Variants in VCAN observed in about 807,000 individuals in gnomAD.
VCAN encodes versican core protein.
A neutral mutation model predicts 245.5 loss-of-function variants in VCAN; 44 were observed. The observed-to-expected ratio is 0.18, with a 90% CI of 0.14 to 0.23. VCAN has a LOEUF of 0.23. Among genes scored for constraint, VCAN ranks in the 10% least tolerant of loss-of-function variants. VCAN has a pLI of 1.00. For missense variants in VCAN, 3,793 were observed against 4,057.9 expected (o/e 0.93, Z 1.77); for synonymous variants, 1,413 against 1,437.0 (o/e 0.98, Z 0.38).
chr5:83,515,987 T>C lies in VCAN; in HGVS notation c.1043-3362T>C, dbSNP rs182605200. ...GTCGCTCACGCCTGTAATCCCAGCA[T>C]TTTGGGAGGCCAAGGTGGGCGGATC... On this transcript the variant is annotated intron_variant, in intron 6 of 14. Coordinates refer to ENST00000265077, the MANE Select transcript of VCAN (RefSeq NM_004385.5). 5.8e-3 allele frequency among the ~76,000 whole-genome samples: 882 copies of C among 152,262 alleles called. 11 individuals are homozygous for C. The highest frequency in any genetic ancestry group is 0.019 in the African/African-American group (778 of 41,558).
chr5:83,556,110 T>C (rs1366900165), intron 12 of VCAN, among the ~76,000 whole-genome samples: 1 of 152,206 alleles, frequency 6.6e-6, no homozygotes, highest in African/African-American at 2.4e-5. Context: ...ATGGACACAC[T>C]ACTCACTTTA....
rs144821797 is a variant in VCAN, at chr5:83,557,691, G to A, written c.9735+2653G>A. Reference sequence around the variant, plus strand: ...TAAACGTGGTAAATTAGTGAGCATCGCACCTTGTCAAAAAAGAAATATTGA... The same window carrying A: ...TAAACGTGGTAAATTAGTGAGCATCACACCTTGTCAAAAAAGAAATATTGA... On this transcript the variant is annotated intron_variant, in intron 12 of 14. Transcript: ENST00000265077. 8.5e-4 allele frequency among the ~76,000 whole-genome samples: 129 copies of A among 152,184 alleles called. 1 individual carries two copies. In the East Asian group the frequency reaches 0.011, roughly 13 times the overall value.
At position 83,580,567 on chromosome 5, in the gene VCAN, C is replaced by T; in HGVS notation, c.*133C>T. 2.2e-6 allele frequency: 3 copies of T among 1,342,542 alleles called. No homozygotes were observed. The highest frequency in any genetic ancestry group is 2.0e-5 in the Admixed American group (1 of 50,352). The allele number at this position is 1,342,542 out of a possible 1,614,324, so 83.2% of individuals were successfully genotyped here. On this transcript the variant is annotated 3_prime_UTR_variant, in exon 15 of 15. Transcript: ENST00000265077. ...ACCACCGTTCAGTCATTTTGGGTTG[C>T]CGTGCTCCCAAAACATTTTAAATGA...
At chr5:83,487,159 G>T (rs561298806) in intron 2 of VCAN, among the ~76,000 whole-genome samples, 1 of 152,140 alleles carries the variant, frequency 6.6e-6, no homozygotes, top group Non-Finnish European at 1.5e-5. Flanking sequence ...ATGCACAGTC[G>T]TGAATAAGTG....
chr5:83,499,558 A>G (rs1453275709), intron 5 of VCAN, among the ~76,000 whole-genome samples: 4 of 152,124 alleles, frequency 2.6e-5, no homozygotes, highest in African/African-American at 7.2e-5. Context: ...TTTAATCACC[A>G]TGATACTATT....
intron 5 of VCAN, among the ~76,000 whole-genome samples, chr5:83,504,959 C>A (rs938618658): frequency 6.6e-6 from 1 of 151,974 alleles, no homozygotes; most frequent in Non-Finnish European, 1.5e-5. Flanking sequence ...AAAGCAGAAA[C>A]CCCTGATAAA....
rs1747019195 is a variant in VCAN at position 83,541,994 on chromosome 5, G to A, written c.8991G>A (p.Gln2997=). ...EAGVVPWLSP[Q]TSERPTLSSS... is the part of the protein sequence containing the mutation. ...GTGTGGTGCCTTGGCTAAGTCCACAGACTTCTGAGAGGCCCACGCTTTCTT... is the reference window on the plus strand; with the variant it reads ...GTGTGGTGCCTTGGCTAAGTCCACAAACTTCTGAGAGGCCCACGCTTTCTT... Residue 2997 remains glutamine (Q), a synonymous_variant, in exon 8 of 15, where the codon CAG becomes CAA. Coordinates refer to ENST00000265077, the MANE Select transcript of VCAN (RefSeq NM_004385.5). The A allele has an allele frequency of 6.2e-7, 1 of 1,612,254 alleles. No individual in the cohort carries two copies. Among genetic ancestry groups the A allele is most frequent in the Non-Finnish European group, 8.5e-7 (1 of 1,178,798 alleles).
chr5:83,572,599 A>C (rs1748327201), intron 13 of VCAN, 39 bp downstream of exon 13: 1 of 1,611,478 alleles, frequency 6.2e-7, no homozygotes, highest in Admixed American at 1.7e-5. Context: ...CTTAATCTTC[A>C]TTTCAATTAT....
In VCAN at chr5:83,484,509, TTCCATCCATCCA is replaced by T. The variant is rs200174622; in HGVS notation, c.70+955_70+966del. 8.0e-3 allele frequency among the ~76,000 whole-genome samples: 1,198 copies of T among 149,238 alleles called. 16 individuals are homozygous for T. The highest frequency in any genetic ancestry group is 0.028 in the African/African-American group (1,142 of 40,480). On this transcript the variant is annotated intron_variant, in intron 2 of 14. Transcript: ENST00000265077. The stretch of plus-strand genomic sequence containing the variant: ...CATGTATTCATCCATCCATCCATCC[TTCCATCCATCCA>T]TCCATCCATCCATCCATCCATCCAT...
At chr5:83,554,566 C>T (rs1419281811) in intron 11 of VCAN, among the ~76,000 whole-genome samples, 1 of 151,852 alleles carries the variant, frequency 6.6e-6, no homozygotes, top group Non-Finnish European at 1.5e-5. Context: ...TAAGATCTGG[C>T]ACATTTTATT....
At chr5:83,580,215 A>G (rs1748619089) in intron 14 of VCAN, 53 bp downstream of exon 14, 1 of 1,613,684 alleles carries the variant, frequency 6.2e-7, no homozygotes, top group Non-Finnish European at 8.5e-7. Context: ...ACTACTAGAC[A>G]CCTTCATTTT....
intron 12 of VCAN, among the ~76,000 whole-genome samples, chr5:83,563,613 G>A (rs1477483295): frequency 1.3e-5 from 2 of 152,118 alleles, no homozygotes; most frequent in Admixed American, 1.3e-4. Flanking sequence ...TTGGGAAAGT[G>A]TTTTCTGTTT....
At chr5:83,545,435 A>G (rs1747167449) in intron 8 of VCAN, 102 bp from the exon 9 acceptor site, 2 of 896,490 alleles carry the variant, frequency 2.2e-6, no homozygotes, top group Admixed American at 3.4e-5. Context: ...TTGCTATGGT[A>G]AAGCCTATAA....
chr5:83,554,296 C>T (rs780763088), intron 11 of VCAN, among the ~76,000 whole-genome samples: 1 of 152,236 alleles, frequency 6.6e-6, no homozygotes, highest in Non-Finnish European at 1.5e-5. Context: ...AGCCACCATT[C>T]CCAGCCTCAT....
At chr5:83,534,838 A>G (rs1746645334) in intron 7 of VCAN, among the ~76,000 whole-genome samples, 1 of 152,102 alleles carries the variant, frequency 6.6e-6, no homozygotes, top group Non-Finnish European at 1.5e-5. Context: ...ATATAGTTTA[A>G]ACATTTTCTT....
chr5:83,522,395 C>A, intron 7 of VCAN, 86 bp downstream of exon 7: 4 of 1,388,356 alleles, frequency 2.9e-6, no homozygotes, highest in Non-Finnish European at 4.0e-6. Context: ...GTCAACATAC[C>A]AAATGCTGCT....
intron 13 of VCAN, among the ~76,000 whole-genome samples, chr5:83,575,248 A>G (rs1419965044): frequency 6.6e-6 from 1 of 152,204 alleles, no homozygotes; most frequent in African/African-American, 2.4e-5. Flanking sequence ...GCTGTTAGCA[A>G]TAAGTACGTT....
chr5:83,511,529 T>C (rs1440080713), intron 5 of VCAN, among the ~76,000 whole-genome samples: 1 of 151,830 alleles, frequency 6.6e-6, no homozygotes, highest in Admixed American at 6.6e-5. Context: ...TCTGTACCAC[T>C]TCTGAGCCCT....
intron 12 of VCAN, among the ~76,000 whole-genome samples, chr5:83,556,495 A>T (rs1330874228): frequency 6.6e-6 from 1 of 152,184 alleles, no homozygotes; most frequent in Non-Finnish European, 1.5e-5. Flanking sequence ...ATTTGGCAAG[A>T]TGTGAGAAAA....
Sources: gnomAD v4.1 joint callset for allele counts (sites outside exome capture counted in the v4.1 genomes callset) on GRCh38, gnomAD v4.1.1 for gene constraint, MANE v1.5 for transcripts, NCBI Gene and HGNC (gene_info 2026-07-23, HGNC 2026-07-21) for gene names.